The following DMXL1 variants were observed in gnomAD, a reference collection of about 807,000 sequenced individuals.
The protein encoded by DMXL1 is dmX-like protein 1.
Under a neutral mutation model 319.2 loss-of-function variants are expected in DMXL1, and 99 were observed. The observed-to-expected ratio is 0.31, with a 90% confidence interval of 0.26 to 0.37. The LOEUF is 0.37. DMXL1 is among the 10% of genes least tolerant of loss of function. The pLI is 1.00. For missense variants in DMXL1, 3,745 were observed against 3,595.6 expected (o/e 1.04, Z -1.06); for synonymous variants, 1,385 against 1,235.2 (o/e 1.12, Z -2.54).
chr5:119,080,624 G>C (rs999852381), intron 1 of DMXL1, among the ~76,000 whole-genome samples: 14 of 152,132 alleles, frequency 9.2e-5, no homozygotes, highest in African/African-American at 3.4e-4. Context: ...CAGTAGTGCA[G>C]TTACTCTGTT....
At chr5:119,113,427 G>T (rs1026703152) in intron 5 of DMXL1, among the ~76,000 whole-genome samples, 4 of 152,178 alleles carry the variant, frequency 2.6e-5, no homozygotes, top group Non-Finnish European at 5.9e-5. Flanking sequence ...ATTTTTAGCA[G>T]AGATGGGGTT....
At chr5:119,121,554 C>A (rs911050079) in intron 9 of DMXL1, among the ~76,000 whole-genome samples, 1 of 152,006 alleles carries the variant, frequency 6.6e-6, no homozygotes, top group African/African-American at 2.4e-5. Flanking sequence ...TCCATTTAAC[C>A]CTGAGTGGAC....
At chr5:119,088,949 T>A (rs755978028) in intron 1 of DMXL1, among the ~76,000 whole-genome samples, 24 of 152,260 alleles carry the variant, frequency 1.6e-4, no homozygotes, top group Non-Finnish European at 2.6e-4. Context: ...TGTCTGTGAC[T>A]TAATTTTTCC....
chr5:119,099,580 A>C (rs1756774444), intron 2 of DMXL1, among the ~76,000 whole-genome samples: 1 of 152,078 alleles, frequency 6.6e-6, no homozygotes, highest in African/African-American at 2.4e-5. Context: ...AATCTTTCTT[A>C]ACTGTATAAA....
chr5:119,210,246 C>T (rs886781523), intron 34 of DMXL1, among the ~76,000 whole-genome samples: 1 of 152,114 alleles, frequency 6.6e-6, no homozygotes, highest in African/African-American at 2.4e-5. Flanking sequence ...CCACCGCAGC[C>T]GGCCACAAGT....
intron 19 of DMXL1, among the ~76,000 whole-genome samples, chr5:119,161,732 C>T (rs937875276): frequency 5.9e-5 from 9 of 152,088 alleles, no homozygotes; most frequent in African/African-American, 1.9e-4. Flanking sequence ...GTCTACCAGT[C>T]TGGGCGGGGC....
At chr5:119,176,909 G>A (rs369176622) in intron 26 of DMXL1, among the ~76,000 whole-genome samples, 1 of 152,062 alleles carries the variant, frequency 6.6e-6, no homozygotes, top group African/African-American at 2.4e-5. Context: ...AGAGTAGTAT[G>A]ATAACATTAT....
intron 33 of DMXL1, among the ~76,000 whole-genome samples, chr5:119,206,054 C>T (rs1781684747): frequency 6.6e-6 from 1 of 152,002 alleles, no homozygotes. Flanking sequence ...TCCTGGTTTT[C>T]TCAGATCTTT....
At chr5:119,105,716 A>G (rs924730279) in intron 4 of DMXL1, among the ~76,000 whole-genome samples, 1 of 152,010 alleles carries the variant, frequency 6.6e-6, no homozygotes, top group Non-Finnish European at 1.5e-5. Flanking sequence ...ACCAACATGG[A>G]GAAACCCTGT....
intron 38 of DMXL1, among the ~76,000 whole-genome samples, chr5:119,226,847 A>G (rs1216039851): frequency 6.6e-6 from 1 of 152,198 alleles, no homozygotes; most frequent in Non-Finnish European, 1.5e-5. Context: ...AGTTTATTAT[A>G]AAAGAAACAG....
chr5:119,238,635 TC>T (rs888453472), intron 40 of DMXL1, among the ~76,000 whole-genome samples: 6 of 152,216 alleles, frequency 3.9e-5, no homozygotes, highest in African/African-American at 1.4e-4. Flanking sequence ...CCTCATGTTT[TC>T]CTTTGAACTT....
Position 119,121,147 on chromosome 5 carries a change from A to T in DMXL1, c.1102+8A>T. 1 of 1,582,422 alleles carries T rather than the reference A, an allele frequency of 6.3e-7. No individual in the cohort carries two copies. Among genetic ancestry groups the T allele is most frequent in the Non-Finnish European group, 8.6e-7 (1 of 1,167,366 alleles). On this transcript the variant is annotated splice_region_variant and intron_variant, in intron 9 of 43. Coordinates refer to ENST00000539542, the MANE Select transcript of DMXL1 (RefSeq NM_001290321.3). Reference sequence around the variant, plus strand: ...GCATCAACCCAGCCACAGGTAATGAAACATTGTTCAAAACATGTTTCTGAA... The same window carrying T: ...GCATCAACCCAGCCACAGGTAATGATACATTGTTCAAAACATGTTTCTGAA...
intron 1 of DMXL1, among the ~76,000 whole-genome samples, chr5:119,087,717 ATCTG>A (rs1456653138): frequency 5.9e-5 from 9 of 152,088 alleles, no homozygotes; most frequent in African/African-American, 2.2e-4. Context: ...CTTCTGTTAG[ATCTG>A]TCTATTACTG....
At chr5:119,165,648 C>T (rs574129396) in intron 21 of DMXL1, among the ~76,000 whole-genome samples, 11 of 152,322 alleles carry the variant, frequency 7.2e-5, no homozygotes, top group African/African-American at 2.6e-4. Context: ...ACTTACAGTT[C>T]CACGTGGCTG....
chr5:119,157,040 G>A (rs1268482973), intron 19 of DMXL1, among the ~76,000 whole-genome samples: 11 of 149,862 alleles, frequency 7.3e-5, no homozygotes, highest in Admixed American at 6.6e-4. Context: ...CCCAAGAGTT[G>A]AGGGTCTTAC....
chr5:119,171,013 T>C lies in DMXL1; in HGVS notation c.6222T>C (p.Cys2074=). ...AGGTGATAGCTCTTCAGAGGACTTG[T>C]GACTTTTGCTCAGATGCTGAAGAAC... ...EKEVIALQRT[C]DFCSDAEELQ... Residue 2074 remains cysteine, a synonymous_variant, in exon 24 of 44, where the codon TGT becomes TGC. Transcript: ENST00000539542. The C allele has an allele frequency of 6.2e-7, 1 of 1,613,910 alleles. No homozygotes were observed. Among genetic ancestry groups the C allele is most frequent in the Non-Finnish European group, 8.5e-7 (1 of 1,179,898 alleles).
At chr5:119,208,984 T>A (rs1038236275) in intron 34 of DMXL1, among the ~76,000 whole-genome samples, 1 of 152,256 alleles carries the variant, frequency 6.6e-6, no homozygotes, top group Non-Finnish European at 1.5e-5. Flanking sequence ...GTTTATAGTC[T>A]GTGTCCATTG....
chr5:119,150,998 T>C (rs962237194), intron 18 of DMXL1, among the ~76,000 whole-genome samples: 1 of 152,148 alleles, frequency 6.6e-6, no homozygotes, highest in African/African-American at 2.4e-5. Flanking sequence ...GTATAAAAGA[T>C]CCAACTGAAT....
At chr5:119,240,261 A>C (rs1170048605) in intron 41 of DMXL1, among the ~76,000 whole-genome samples, 158 bp from the exon 42 acceptor site, 1 of 152,174 alleles carries the variant, frequency 6.6e-6, no homozygotes, top group African/African-American at 2.4e-5. Context: ...TATAAAAATT[A>C]GTTTCATATA....
Sources: allele counts gnomAD v4.1 joint callset (sites outside exome capture counted in the v4.1 genomes callset), GRCh38; gene constraint gnomAD v4.1.1; transcripts MANE v1.5; gene names NCBI Gene and HGNC (gene_info 2026-07-23, HGNC 2026-07-21).